KIRREL3: variants seen among roughly 807,000 people sequenced by gnomAD.
KIRREL3 encodes the protein kin of IRRE-like protein 3.
In KIRREL3, 36 loss-of-function variants were observed where a neutral mutation model predicts 89.7. That is an observed-to-expected ratio of 0.40 (90% confidence interval 0.31 to 0.53). The LOEUF (loss-of-function observed/expected upper bound fraction) is 0.53. KIRREL3 is among the 20% of genes least tolerant of loss of function. The probability of loss-of-function intolerance (pLI) is 0.49; values close to 1 mark genes in which losing one functional copy is unlikely to be tolerated. For missense variants in KIRREL3, 864 were observed against 1,056.6 expected (o/e 0.82, Z 2.53); for synonymous variants, 445 against 441.4 (o/e 1.01, Z -0.10).
chr11:126,988,541 C>G (rs762843471), intron 1 of KIRREL3: 6 of 152,726 alleles, frequency 3.9e-5, no homozygotes, highest in African/African-American at 1.4e-4. Flanking sequence ...GCCTCCACAG[C>G]CGTGTCGAGG....
chr11:126,564,811 A>T lies in KIRREL3; in HGVS notation c.56-1899T>A, dbSNP rs1940397031. Among the ~76,000 whole-genome samples the T allele has an allele frequency of 6.6e-6, 1 of 152,210 alleles. No individual in the cohort carries two copies. The highest frequency in any genetic ancestry group is 6.5e-5 in the Admixed American group (1 of 15,288). On this transcript the variant is annotated intron_variant, in intron 1 of 16. Coordinates refer to ENST00000525144, the MANE Select transcript of KIRREL3 (RefSeq NM_032531.4). This position sits in a 1 kb window ranked among gnomAD's most constrained non-coding sequence, Gnocchi z 7.4. ...GGGGCCAGTGGAAGTACAAGCTGCG[A>T]GGAGGTGCTGAGCTCCCTGGAACAA...
rs928837022 is a variant in KIRREL3, at chr11:126,891,461, G to A, written c.55+108994C>T. On this transcript the variant is annotated intron_variant, in intron 1 of 16. Transcript: ENST00000525144. This position sits in a 1 kb window ranked among gnomAD's most constrained non-coding sequence, Gnocchi z 5.1. ...AAGAGGAGGCAAGAGGTGAGCCCAT[G>A]TCCTACTAAATGCCTGCAAAGTGGC... Among the ~76,000 whole-genome samples, 1 of 152,342 alleles carries A rather than the reference G, an allele frequency of 6.6e-6. No individual in the cohort carries two copies.
intron 1 of KIRREL3, among the ~76,000 whole-genome samples, chr11:126,743,400 A>C (rs1329096368): frequency 1.3e-5 from 2 of 152,190 alleles, no homozygotes; most frequent in Non-Finnish European, 2.9e-5. Context: ...CTGATTTAGG[A>C]GGTTTGACAT....
chr11:126,559,895 CT>C (rs1808012498), intron 2 of KIRREL3, among the ~76,000 whole-genome samples: 1 of 152,022 alleles, frequency 6.6e-6, no homozygotes, highest in South Asian at 2.1e-4. Context: ...GTTGGCCAGG[CT>C]GGTCTTGAAC....
chr11:126,674,672 G>A (rs1436960449), intron 1 of KIRREL3, among the ~76,000 whole-genome samples: 1 of 152,210 alleles, frequency 6.6e-6, no homozygotes, highest in African/African-American at 2.4e-5. Context: ...TTCATGGCAA[G>A]GGCATTTGGA....
rs1379241867 is a variant in KIRREL3 at position 126,995,170 on chromosome 11, G to A, written c.55+5285C>T. 1 of 455,990 alleles carries A rather than the reference G, an allele frequency of 2.2e-6. No homozygotes were observed. The highest frequency in any genetic ancestry group is 4.4e-6 in the Non-Finnish European group (1 of 226,910). The allele number at this position is 455,990 out of a possible 1,614,324, so 28.2% of individuals were successfully genotyped here. The stretch of plus-strand genomic sequence containing the variant: ...GCTGTGATGGGATATGAAATCCAAG[G>A]GAACTGTTAGCCCCCCAGAGCAGCT... On this transcript the variant is annotated intron_variant, in intron 1 of 16. Transcript: ENST00000525144. The surrounding 1 kb of genome is among the most constrained non-coding windows in gnomAD (Gnocchi z 6.5).
In KIRREL3 at chr11:126,521,272, T is replaced by A. The variant is rs1958577520; in HGVS notation, c.433+43A>T. 4.1e-6 allele frequency: 6 copies of A among 1,476,580 alleles called. No homozygotes were observed. Among genetic ancestry groups the A allele is most frequent in the Admixed American group, 2.2e-5 (1 of 44,786 alleles). The allele number at this position is 1,476,580 out of a possible 1,614,324, so 91.5% of individuals were successfully genotyped here. On this transcript the variant is annotated intron_variant, in intron 4 of 16. Transcript: ENST00000525144. The surrounding 1 kb of genome is among the most constrained non-coding windows in gnomAD (Gnocchi z 4.1). ...TACCCTCTTGGAGCTGAGCCCTTGG[T>A]GCTTCACGCAGTGTCCCAGCCCCGT... is the stretch of plus-strand genomic sequence containing the variant.
intron 1 of KIRREL3, among the ~76,000 whole-genome samples, chr11:126,585,563 G>T (rs1941797149): frequency 6.6e-6 from 1 of 152,202 alleles, no homozygotes; most frequent in Non-Finnish European, 1.5e-5. Flanking sequence ...GATAGTTTGT[G>T]GAATTTTATC....
In KIRREL3 at chr11:126,795,847, G is replaced by A. The variant is rs1190394301; in HGVS notation, c.55+204608C>T. 1.3e-5 allele frequency among the ~76,000 whole-genome samples: 2 copies of A among 152,096 alleles called. No individual in the cohort carries two copies. Among genetic ancestry groups the A allele is most frequent in the Non-Finnish European group, 2.9e-5 (2 of 68,026 alleles). ...AAGAGCGTACATCAGCTCTTTGGAG[G>A]GGCATGTAGATACCCCATGCCAGGC... On this transcript the variant is annotated intron_variant, in intron 1 of 16. Coordinates refer to ENST00000525144, the MANE Select transcript of KIRREL3 (RefSeq NM_032531.4). The surrounding 1 kb of genome is among the most constrained non-coding windows in gnomAD (Gnocchi z 4.1).
intron 1 of KIRREL3, among the ~76,000 whole-genome samples, chr11:126,707,378 G>C (rs577042068): frequency 4.6e-5 from 7 of 152,042 alleles, no homozygotes; most frequent in South Asian, 2.1e-4. Context: ...CAAGGGGTGA[G>C]GAAGGGATCC....
chr11:126,903,017 G>C lies in KIRREL3; in HGVS notation c.55+97438C>G, dbSNP rs1946432690. On this transcript the variant is annotated intron_variant, in intron 1 of 16. Coordinates refer to ENST00000525144, the MANE Select transcript of KIRREL3 (RefSeq NM_032531.4). The surrounding 1 kb of genome is among the most constrained non-coding windows in gnomAD (Gnocchi z 4.5). Reference sequence around the variant, plus strand: ...AAAAAAAGGAAGCCCAGCGTCCTATGACCTTGTGAAAGAAGCAAAAAATAG... The same window carrying C: ...AAAAAAAGGAAGCCCAGCGTCCTATCACCTTGTGAAAGAAGCAAAAAATAG... Among the ~76,000 whole-genome samples, 1 of 152,110 alleles carries C rather than the reference G, an allele frequency of 6.6e-6. No homozygotes were observed. Among genetic ancestry groups the C allele is most frequent in the African/African-American group, 2.4e-5 (1 of 41,414 alleles).
In KIRREL3 at chr11:126,684,763, A is replaced by T. The variant is rs533945693; in HGVS notation, c.56-121851T>A. On this transcript the variant is annotated intron_variant, in intron 1 of 16. Transcript: ENST00000525144. The surrounding 1 kb of genome is among the most constrained non-coding windows in gnomAD (Gnocchi z 4.2). ...ACCTAATCACTTTGCTTTGGTATTC[A>T]TTAGTCATTTAACACCTCTAAAGAA... Among the ~76,000 whole-genome samples the T allele has an allele frequency of 2.6e-5, 4 of 152,292 alleles. No homozygotes were observed. The highest frequency in any genetic ancestry group is 1.3e-4 in the Admixed American group (2 of 15,304).
Position 126,436,900 on chromosome 11 carries a change from A to G in KIRREL3, c.1463T>C (p.Ile488Thr), listed in dbSNP as rs775795735. Residue 488 changes from isoleucine to threonine, a missense_variant, in exon 12 of 17, where the codon ATC becomes ACC. Coordinates refer to ENST00000525144, the MANE Select transcript of KIRREL3 (RefSeq NM_032531.4). ...GVISTLTISNIVRADFQTIYN... is the reference protein window; with the variant it reads ...GVISTLTISNTVRADFQTIYN... ...GATGGTCTGGAAGTCGGCCCGCACG[A>G]TGTTGCTGATGGTCAGGGTGGAGAT... is the stretch of plus-strand genomic sequence containing the variant. The G allele has an allele frequency of 5.0e-6, 8 of 1,613,554 alleles. No individual in the cohort carries two copies. The highest frequency in any genetic ancestry group is 6.8e-6 in the Non-Finnish European group (8 of 1,179,824).
chr11:126,799,440 GTGTGCATGCATCTC>G (rs1459920307), intron 1 of KIRREL3, among the ~76,000 whole-genome samples: 17 of 684 alleles, frequency 0.025, no homozygotes, highest in Non-Finnish European at 0.028. Context: ...GTGTGTATCT[GTGTGCATGCATCTC>G]TGTGTGCATG....
At chr11:126,861,991 T>C (rs1183880369) in intron 1 of KIRREL3, among the ~76,000 whole-genome samples, 1 of 152,150 alleles carries the variant, frequency 6.6e-6, no homozygotes, top group Non-Finnish European at 1.5e-5. Flanking sequence ...CACCTGGGCA[T>C]GGAAAAGGAC....
Position 126,579,057 on chromosome 11 carries a change from T to C in KIRREL3, c.56-16145A>G, listed in dbSNP as rs897202707. On this transcript the variant is annotated intron_variant, in intron 1 of 16. Coordinates refer to ENST00000525144, the MANE Select transcript of KIRREL3 (RefSeq NM_032531.4). This position sits in a 1 kb window ranked among gnomAD's most constrained non-coding sequence, Gnocchi z 5.3. Reference sequence around the variant, plus strand: ...GATCAAACCCAAAGCCCGTGCTCTGTCCGTGTGCTGCCTCCGAGAAGCCAT... The same window carrying C: ...GATCAAACCCAAAGCCCGTGCTCTGCCCGTGTGCTGCCTCCGAGAAGCCAT... Among the ~76,000 whole-genome samples the C allele has an allele frequency of 3.9e-5, 6 of 152,046 alleles. No individual in the cohort carries two copies. The highest frequency in any genetic ancestry group is 8.8e-5 in the Non-Finnish European group (6 of 68,018).
Position 126,574,510 on chromosome 11 carries a change from C to G in KIRREL3, c.56-11598G>C, listed in dbSNP as rs1488998754. 2.0e-5 allele frequency among the ~76,000 whole-genome samples: 3 copies of G among 152,180 alleles called. No homozygotes were observed. The highest frequency in any genetic ancestry group is 2.9e-5 in the Non-Finnish European group (2 of 68,042). On this transcript the variant is annotated intron_variant, in intron 1 of 16. Transcript: ENST00000525144. The surrounding 1 kb of genome is among the most constrained non-coding windows in gnomAD (Gnocchi z 5.3). ...CAATAAGAACATGAAAGTTTATTTA[C>G]CACGAGGCCAGCCCAGTGGGAGGCA...
rs1945075296 is a variant in KIRREL3 at position 126,870,571 on chromosome 11, T to C, written c.55+129884A>G. On this transcript the variant is annotated intron_variant, in intron 1 of 16. Coordinates refer to ENST00000525144, the MANE Select transcript of KIRREL3 (RefSeq NM_032531.4). The surrounding 1 kb of genome is among the most constrained non-coding windows in gnomAD (Gnocchi z 4.4). ...GGCTCCCATAGTGGCCCCTCCTGGC[T>C]CCACCATACCCTCACCATGCCAGGC... is the stretch of plus-strand genomic sequence containing the variant. Among the ~76,000 whole-genome samples the C allele has an allele frequency of 1.3e-5, 2 of 152,176 alleles. No homozygotes were observed. The highest frequency in any genetic ancestry group is 4.1e-4 in the South Asian group (2 of 4,830).
Position 126,797,165 on chromosome 11 carries a change from TG to T in KIRREL3, c.55+203289del, listed in dbSNP as rs1362442137. Among the ~76,000 whole-genome samples, 2 of 152,124 alleles carry T rather than the reference TG, an allele frequency of 1.3e-5. No individual in the cohort carries two copies. The highest frequency in any genetic ancestry group is 2.9e-5 in the Non-Finnish European group (2 of 67,998). On this transcript the variant is annotated intron_variant, in intron 1 of 16. Transcript: ENST00000525144. The surrounding 1 kb of genome is among the most constrained non-coding windows in gnomAD (Gnocchi z 4.9). ...AGGCTTGGGGATGTGGCACTGAATT[TG>T]GGGCTGTGTTACTGTGCAGGGAATA...
Sources: allele counts gnomAD v4.1 joint callset (sites outside exome capture counted in the v4.1 genomes callset), GRCh38; gene constraint gnomAD v4.1.1; non-coding constraint Gnocchi (gnomAD v3.1); transcripts MANE v1.5; gene names NCBI Gene and HGNC (gene_info 2026-07-23, HGNC 2026-07-21).